The following CRTC3 variants were observed in gnomAD, a reference collection of about 807,000 sequenced individuals.
CRTC3 encodes the protein CREB regulated transcription coactivator 3.
In CRTC3, 26 loss-of-function variants were observed where a neutral mutation model predicts 74.5. The ratio of observed to expected loss-of-function variants is 0.35; its 90% confidence interval spans 0.26 to 0.48. The LOEUF is 0.48. Ranked by LOEUF, CRTC3 falls within the 20% of genes least tolerant of loss-of-function variation. The pLI is 0.99. For missense variants in CRTC3, 760 were observed against 787.3 expected, an observed-to-expected ratio of 0.97 and a Z score of 0.41; for synonymous variants, 377 against 325.8, an observed-to-expected ratio of 1.16 and a Z score of -1.69.
intron 7 of CRTC3, 166 bp downstream of exon 7, chr15:90,614,654 C>A: frequency 1.8e-6 from 1 of 545,472 alleles, no homozygotes; most frequent in Non-Finnish European, 3.3e-6. Flanking sequence ...TAAGGCTAGC[C>A]ATGTTCAGGG....
At chr15:90,575,143 A>G (rs958939917) in intron 2 of CRTC3, among the ~76,000 whole-genome samples, 6 of 152,212 alleles carry the variant, frequency 3.9e-5, no homozygotes, top group African/African-American at 1.4e-4. Context: ...TGAGGTCAGC[A>G]GTTCGAGACC....
Position 90,642,348 on chromosome 15 carries a change from C to A in CRTC3, c.*208C>A. On this transcript the variant is annotated 3_prime_UTR_variant, in exon 15 of 15. Transcript: ENST00000268184. ...TTGTACTGCCTCTCCCGCCTGTGGC[C>A]AAAGTCGTGTTGCAGCAGGCAGGCT... 1 of 576,616 alleles carries A rather than the reference C, an allele frequency of 1.7e-6. No homozygotes were observed. 35.7% of individuals were successfully genotyped at this position (576,616 alleles called of 1,614,324 possible).
chr15:90,641,824 T>C (rs1969455896), intron 14 of CRTC3, 108 bp from the exon 15 acceptor site: 4 of 834,390 alleles, frequency 4.8e-6, no homozygotes, highest in Non-Finnish European at 8.0e-6. Context: ...GTGGTCAGGA[T>C]GTGTGGGATA....
chr15:90,571,718 C>T (rs936593488), intron 2 of CRTC3, among the ~76,000 whole-genome samples: 2 of 152,154 alleles, frequency 1.3e-5, no homozygotes, highest in African/African-American at 2.4e-5. Flanking sequence ...ACCCTCCCCC[C>T]AGTTCTAATC....
At position 90,620,005 on chromosome 15, in the gene CRTC3, T is replaced by C. The variant is rs145357971; in HGVS notation, c.749+215T>C. 1.2e-3 allele frequency: 629 copies of C among 539,632 alleles called. 5 individuals carry two copies. The highest frequency in any genetic ancestry group is 0.011 in the African/African-American group (594 of 51,870). The allele number at this position is 539,632 out of a possible 1,614,324, so 33.4% of individuals were successfully genotyped here. A position where few individuals can be genotyped will look rare whatever the true frequency, so the allele number is the denominator to read the frequency against. On this transcript the variant is annotated intron_variant, in intron 9 of 14. Transcript: ENST00000268184. Reference sequence around the variant, plus strand: ...ACATGACTATAATAACAAACAAAACTTACATAAGTATGTTTGAGAATCACA... The same window carrying C: ...ACATGACTATAATAACAAACAAAACCTACATAAGTATGTTTGAGAATCACA...
chr15:90,640,180 AG>A (rs1256434976), intron 13 of CRTC3, among the ~76,000 whole-genome samples: 4 of 152,258 alleles, frequency 2.6e-5, no homozygotes, highest in Admixed American at 1.3e-4. Flanking sequence ...ATTTTAGTCT[AG>A]GTGGGAATCA....
At chr15:90,562,338 C>T (rs1567166594) in intron 2 of CRTC3, among the ~76,000 whole-genome samples, 1 of 152,168 alleles carries the variant, frequency 6.6e-6, no homozygotes. Flanking sequence ...TAGGCATTAT[C>T]ATCCCCATTT....
At chr15:90,564,386 T>C (rs371900434) in intron 2 of CRTC3, among the ~76,000 whole-genome samples, 30 of 152,306 alleles carry the variant, frequency 2.0e-4, no homozygotes, top group African/African-American at 7.0e-4. Context: ...AGCTGCTCCT[T>C]TGCCTTCACA....
rs375644204 is a variant in CRTC3 at position 90,629,412 on chromosome 15, G to T, written c.1146G>T (p.Pro382=). The T allele has an allele frequency of 1.2e-6, 2 of 1,613,990 alleles. No homozygotes were observed. Among genetic ancestry groups the T allele is most frequent in the South Asian group, 1.1e-5 (1 of 91,054 alleles). The change falls in exon 11 of 15, where the codon CCG becomes CCT. Residue 382 remains proline (P), a synonymous_variant. Transcript: ENST00000268184. ...PSLSTTNLSG[P]SRRRQPPVSP... is the part of the protein sequence containing the mutation. ...TTTCCACCACAAACCTGAGCGGCCC[G>T]TCTCGGCGTCGGCAGCCTCCCGTCA... is the stretch of plus-strand genomic sequence containing the variant.
In CRTC3 at chr15:90,603,399, C is replaced by T. The variant is rs529634240; in HGVS notation, c.414-986C>T. Among the ~76,000 whole-genome samples, 34 of 151,822 alleles carry T rather than the reference C, an allele frequency of 2.2e-4. No individual in the cohort carries two copies. The South Asian group carries it at 5.0e-3, about 22-fold the overall frequency. On this transcript the variant is annotated intron_variant, in intron 4 of 14. Transcript: ENST00000268184. ...CGGAGCTTGCAGTGAGCCGAGATCA[C>T]GCCACTGCACTCCAGCCTGGGTGAC...
intron 2 of CRTC3, among the ~76,000 whole-genome samples, chr15:90,574,048 C>T (rs1288949235): frequency 6.6e-6 from 1 of 152,130 alleles, no homozygotes; most frequent in Non-Finnish European, 1.5e-5. Context: ...GAGATCTTCC[C>T]ATGTCAGTTC....
At chr15:90,547,639 C>T (rs1966846580) in intron 2 of CRTC3, among the ~76,000 whole-genome samples, 1 of 152,170 alleles carries the variant, frequency 6.6e-6, no homozygotes. Flanking sequence ...AGGGTTATAG[C>T]CCTCATGTCT....
intron 2 of CRTC3, among the ~76,000 whole-genome samples, chr15:90,547,073 T>G (rs1966845552): frequency 6.6e-6 from 1 of 152,248 alleles, no homozygotes; most frequent in African/African-American, 2.4e-5. Context: ...TATAATCATT[T>G]ATATACAATT....
chr15:90,631,851 G>C (rs1389823641), intron 11 of CRTC3, among the ~76,000 whole-genome samples: 2 of 152,036 alleles, frequency 1.3e-5, no homozygotes, highest in East Asian at 3.8e-4. Flanking sequence ...CAAAGGGCTG[G>C]AATTAGCCAG....
chr15:90,644,929 TC>T lies in CRTC3; in HGVS notation c.*2790del, dbSNP rs1969572557. ...AAAACCTGTCTGCATTTCCATTTTT[TC>T]TTTCTGTATGGTTGTGGGTTTTAGG... On this transcript the variant is annotated 3_prime_UTR_variant, in exon 15 of 15. Coordinates refer to ENST00000268184, the MANE Select transcript of CRTC3 (RefSeq NM_022769.5). 4.3e-6 allele frequency: 1 copy of T among 232,402 alleles called. No individual in the cohort carries two copies. Among genetic ancestry groups the T allele is most frequent in the African/African-American group, 2.2e-5 (1 of 45,310 alleles). The allele number at this position is 232,402 out of a possible 1,614,324, so 14.4% of individuals were successfully genotyped here.
chr15:90,625,212 C>A (rs951117622), intron 9 of CRTC3: 2 of 145,762 alleles, frequency 1.4e-5, no homozygotes, highest in East Asian at 3.8e-4. Flanking sequence ...TAGGCCTGAC[C>A]CCGGCGGACA....
Position 90,606,162 on chromosome 15 carries a change from G to A in CRTC3, c.477-1216G>A, listed in dbSNP as rs141162303. Among the ~76,000 whole-genome samples the A allele has an allele frequency of 5.0e-3, 758 of 152,126 alleles. 10 individuals carry two copies. Among genetic ancestry groups the A allele is most frequent in the African/African-American group, 0.017 (714 of 41,494 alleles). ...TCCCAGCTACTTGAGAGGCTGAGGC[G>A]AGAGAGTCGCTTGAACCCGGGAGGC... On this transcript the variant is annotated intron_variant, in intron 5 of 14. Transcript: ENST00000268184.
chr15:90,557,854 C>T (rs1188973982), intron 2 of CRTC3, among the ~76,000 whole-genome samples: 2 of 152,104 alleles, frequency 1.3e-5, no homozygotes, highest in African/African-American at 2.4e-5. Context: ...CTGGCTCCTG[C>T]GTGCCAGAAT....
At chr15:90,548,630 C>G (rs1432845441) in intron 2 of CRTC3, among the ~76,000 whole-genome samples, 1 of 152,072 alleles carries the variant, frequency 6.6e-6, no homozygotes, top group Non-Finnish European at 1.5e-5. Context: ...AAAAGAAAAC[C>G]TAAGTAGCAG....
Sources: gnomAD v4.1 joint callset for allele counts (sites outside exome capture counted in the v4.1 genomes callset) on GRCh38, gnomAD v4.1.1 for gene constraint, MANE v1.5 for transcripts, NCBI Gene and HGNC (gene_info 2026-07-23, HGNC 2026-07-21) for gene names.